Variants in CERS3 observed in about 807,000 individuals in gnomAD.
CERS3 encodes the protein ceramide synthase 3, also known as LAG1 homolog, ceramide synthase 3.
Under a neutral mutation model 50.3 loss-of-function variants are expected in CERS3, and 33 were observed. The observed-to-expected ratio is 0.66, with a 90% CI of 0.50 to 0.88. The LOEUF (loss-of-function observed/expected upper bound fraction) is 0.88. Ranked by LOEUF, CERS3 falls within the 40% of genes least tolerant of loss-of-function variation. The pLI, the probability that CERS3 is intolerant of heterozygous loss-of-function variation, is 0.00. For synonymous variants in CERS3, 176 were observed against 155.2 expected (o/e 1.13, Z -0.99); for missense variants, 470 against 460.3 (o/e 1.02, Z -0.19).
chr15:100,411,853 T>C (rs749749979), intron 11 of CERS3, among the ~76,000 whole-genome samples: 8 of 152,174 alleles, frequency 5.3e-5, no homozygotes, highest in Non-Finnish European at 1.2e-4. Flanking sequence ...GTTTCCCTAA[T>C]GATTAGTTAT....
intron 4 of CERS3, among the ~76,000 whole-genome samples, chr15:100,490,576 C>T (rs1269593737): frequency 1.3e-5 from 2 of 152,096 alleles, no homozygotes; most frequent in Non-Finnish European, 2.9e-5. Flanking sequence ...CATTAGTGCT[C>T]TACACTATAG....
chr15:100,419,921 G>A lies in CERS3; in HGVS notation c.1000-17056C>T, dbSNP rs545014350. ...CACAACATACCAGAATCTCTGGGAC[G>A]CATTCAAAGCATGTGTAGAGGGAAA... On this transcript the variant is annotated intron_variant, in intron 11 of 11. Transcript: ENST00000679737. 3.2e-3 allele frequency among the ~76,000 whole-genome samples: 474 copies of A among 149,454 alleles called. 2 individuals are homozygous for A. The highest frequency in any genetic ancestry group is 0.011 in the African/African-American group (436 of 40,650).
chr15:100,500,655 C>T (rs1018068158), intron 3 of CERS3, among the ~76,000 whole-genome samples: 24 of 152,316 alleles, frequency 1.6e-4, no homozygotes, highest in Admixed American at 5.9e-4. Context: ...GTAGAATTAA[C>T]TGTCAGAAAA....
chr15:100,427,368 C>A (rs1303054312), intron 11 of CERS3, among the ~76,000 whole-genome samples: 1 of 152,200 alleles, frequency 6.6e-6, no homozygotes, highest in East Asian at 1.9e-4. Flanking sequence ...TTAGGCAATG[C>A]CAATCTATCA....
chr15:100,449,252 G>A (rs1264675163), intron 11 of CERS3, among the ~76,000 whole-genome samples: 1 of 152,222 alleles, frequency 6.6e-6, no homozygotes, highest in Non-Finnish European at 1.5e-5. Flanking sequence ...CATGCAACCT[G>A]CAGGCCTGGG....
intron 11 of CERS3, among the ~76,000 whole-genome samples, chr15:100,449,235 A>G (rs2034062126): frequency 6.6e-6 from 1 of 152,162 alleles, no homozygotes; most frequent in South Asian, 2.1e-4. Context: ...GCTAGTACTC[A>G]CCTGCACATG....
chr15:100,443,821 T>C (rs2033813530), intron 11 of CERS3, among the ~76,000 whole-genome samples: 1 of 152,184 alleles, frequency 6.6e-6, no homozygotes, highest in Admixed American at 6.5e-5. Flanking sequence ...ACTCCTTTCC[T>C]TCCTAGGCAC....
intron 9 of CERS3, among the ~76,000 whole-genome samples, chr15:100,470,146 A>T (rs1466931): frequency 0.43 from 65,273 of 151,984 alleles, 14,732 homozygotes; most frequent in Middle Eastern, 0.52. Flanking sequence ...TGCATTATCC[A>T]GCAGTGTCCA....
intron 3 of CERS3, among the ~76,000 whole-genome samples, chr15:100,494,301 G>A (rs573446125): frequency 6.9e-6 from 1 of 145,148 alleles, no homozygotes; most frequent in East Asian, 2.1e-4. Context: ...AGGCTGGAGT[G>A]CAGTGGCATG....
intron 5 of CERS3, 84 bp downstream of exon 5, chr15:100,484,466 T>G: frequency 1.1e-6 from 1 of 950,470 alleles, no homozygotes; most frequent in South Asian, 1.3e-5. Context: ...CTCCCTCTGC[T>G]GCTCCGGCAG....
chr15:100,451,870 A>T (rs2034184340), intron 11 of CERS3, among the ~76,000 whole-genome samples: 2 of 152,196 alleles, frequency 1.3e-5, no homozygotes, highest in African/African-American at 4.8e-5. Flanking sequence ...AATTCAAAAA[A>T]CAGTAAAAAT....
intron 1 of CERS3, among the ~76,000 whole-genome samples, chr15:100,537,102 G>A (rs1341176060): frequency 6.6e-6 from 1 of 152,126 alleles, no homozygotes; most frequent in East Asian, 1.9e-4. Context: ...CACAGAACTG[G>A]GAGAACTACT....
intron 3 of CERS3, among the ~76,000 whole-genome samples, chr15:100,496,330 A>G (rs2035813359): frequency 6.6e-6 from 1 of 152,224 alleles, no homozygotes; most frequent in African/African-American, 2.4e-5. Context: ...GTATATATGT[A>G]TGTTGAAAGA....
chr15:100,517,609 A>G (rs575697952), intron 2 of CERS3, among the ~76,000 whole-genome samples: 47 of 152,320 alleles, frequency 3.1e-4, no homozygotes, highest in African/African-American at 1.1e-3. Flanking sequence ...GGTCACTTTT[A>G]GGAAAGGATT....
intron 9 of CERS3, among the ~76,000 whole-genome samples, chr15:100,472,658 T>C (rs2035005235): frequency 6.6e-6 from 1 of 152,212 alleles, no homozygotes; most frequent in East Asian, 1.9e-4. Context: ...CCCATCTTAC[T>C]TCCTGAGTGG....
chr15:100,408,258 T>TA (rs1384960083), intron 11 of CERS3, among the ~76,000 whole-genome samples: 1 of 152,146 alleles, frequency 6.6e-6, no homozygotes, highest in Non-Finnish European at 1.5e-5. Context: ...CCGAGGGAAA[T>TA]ATGTACTTTT....
At chr15:100,543,482 GCTTC>G (rs150739556) in intron 1 of CERS3, among the ~76,000 whole-genome samples, 117 of 149,960 alleles carry the variant, frequency 7.8e-4, no homozygotes, top group Middle Eastern at 3.4e-3. Context: ...ACAAGAGAAG[GCTTC>G]CTTCCTTCCT....
intron 10 of CERS3, among the ~76,000 whole-genome samples, chr15:100,464,543 C>A (rs2034653105): frequency 6.6e-6 from 1 of 152,204 alleles, no homozygotes; most frequent in South Asian, 2.1e-4. Flanking sequence ...CTGCGTGGAA[C>A]CACGATCTGC....
intron 11 of CERS3, among the ~76,000 whole-genome samples, chr15:100,413,772 A>AG (rs2031675543): frequency 2.4e-5 from 2 of 82,272 alleles, no homozygotes; most frequent in South Asian, 4.8e-4. Context: ...CAGAAATACA[A>AG]GAAAAAAAAA....
Sources: allele counts gnomAD v4.1 joint callset (sites outside exome capture counted in the v4.1 genomes callset), GRCh38; gene constraint gnomAD v4.1.1; transcripts MANE v1.5; gene names NCBI Gene and HGNC (gene_info 2026-07-23, HGNC 2026-07-21).